SREK1IP1: variants seen among roughly 807,000 people sequenced by gnomAD.
SREK1IP1 encodes SREK1 interacting protein 1, also known as protein SREK1IP1.
SREK1IP1 carries 12 observed loss-of-function variants against 22.8 expected under a neutral mutation model. The observed-to-expected ratio is 0.53, with a 90% CI of 0.34 to 0.85. SREK1IP1 has a LOEUF of 0.85. SREK1IP1 is among the 40% of genes least tolerant of loss of function. SREK1IP1 has a pLI of 0.02. For missense variants in SREK1IP1, 147 were observed against 171.8 expected (o/e 0.86, Z 0.81); for synonymous variants, 53 against 52.7 (o/e 1.01, Z -0.02).
intron 2 of SREK1IP1, among the ~76,000 whole-genome samples, chr5:64,744,901 G>A (rs896932258): frequency 2.0e-5 from 3 of 152,122 alleles, no homozygotes; most frequent in African/African-American, 7.2e-5. Flanking sequence ...TATCTTATGG[G>A]AACTCAAACA....
rs1244825556 is a variant in SREK1IP1, at chr5:64,721,709, T to C, written c.*2675A>G. ...CTGCCTGCATTTGGTGAAAATGACA[T>C]GCATTAGGTTGTAAGAATATGAACC... is the stretch of plus-strand genomic sequence containing the variant. On this transcript the variant is annotated 3_prime_UTR_variant, in exon 5 of 5. Coordinates refer to ENST00000513458, the MANE Select transcript of SREK1IP1 (RefSeq NM_173829.4). The C allele has an allele frequency of 3.3e-5, 5 of 152,150 alleles. No homozygotes were observed. The highest frequency in any genetic ancestry group is 2.6e-4 in the Admixed American group (4 of 15,276). 9.4% of individuals were successfully genotyped at this position (152,150 alleles called of 1,614,324 possible). A position where few individuals can be genotyped will look rare whatever the true frequency, so the allele number is the denominator to read the frequency against.
chr5:64,767,202 C>T (rs1743050102), intron 1 of SREK1IP1, among the ~76,000 whole-genome samples: 1 of 152,190 alleles, frequency 6.6e-6, no homozygotes, highest in Admixed American at 6.5e-5. Flanking sequence ...ACCCCTCCTA[C>T]AATTCAGATC....
At chr5:64,733,753 C>T (rs904496513) in intron 3 of SREK1IP1, among the ~76,000 whole-genome samples, 1 of 152,028 alleles carries the variant, frequency 6.6e-6, no homozygotes, top group Non-Finnish European at 1.5e-5. Flanking sequence ...TGGATAAATA[C>T]TTAATACTTA....
intron 2 of SREK1IP1, among the ~76,000 whole-genome samples, chr5:64,747,772 T>C (rs755578882): frequency 6.6e-6 from 1 of 151,728 alleles, no homozygotes; most frequent in Non-Finnish European, 1.5e-5. Context: ...ACTAAAAATA[T>C]AAAAAAGTAG....
At chr5:64,729,986 A>C (rs574640346) in intron 3 of SREK1IP1, among the ~76,000 whole-genome samples, 70 of 152,342 alleles carry the variant, frequency 4.6e-4, no homozygotes, top group South Asian at 1.7e-3. Context: ...ATAGTATTTA[A>C]AACTATGGGG....
At chr5:64,748,219 T>C (rs775295480) in intron 2 of SREK1IP1, among the ~76,000 whole-genome samples, 9 of 152,178 alleles carry the variant, frequency 5.9e-5, no homozygotes, top group Non-Finnish European at 1.2e-4. Flanking sequence ...ATGAAAACAT[T>C]ATGCTAAGGG....
At chr5:64,752,144 GT>G (rs1453000055) in intron 2 of SREK1IP1, among the ~76,000 whole-genome samples, 34 of 85,474 alleles carry the variant, frequency 4.0e-4, no homozygotes, top group Admixed American at 6.5e-4. Flanking sequence ...TTTTTTTTGT[GT>G]GTTTTTTTTT....
At chr5:64,740,302 T>C (rs1742532050) in intron 3 of SREK1IP1, among the ~76,000 whole-genome samples, 1 of 152,090 alleles carries the variant, frequency 6.6e-6, no homozygotes. Context: ...AGAACCCCTA[T>C]TTATATAATT....
At chr5:64,768,447 A>C (rs1208724710) in intron 1 of SREK1IP1, 58 bp downstream of exon 1, 25 of 1,610,430 alleles carry the variant, frequency 1.6e-5, no homozygotes, top group Admixed American at 5.0e-5. Flanking sequence ...ACCCTACCCT[A>C]CCCTCCCTTG....
chr5:64,760,406 G>GGC (rs1160463059), intron 1 of SREK1IP1, among the ~76,000 whole-genome samples: 8 of 152,266 alleles, frequency 5.3e-5, no homozygotes, highest in African/African-American at 1.9e-4. Flanking sequence ...CACAAAGGGA[G>GGC]GTGGGGGGAA....
chr5:64,744,007 C>T (rs1282176225), intron 2 of SREK1IP1, among the ~76,000 whole-genome samples: 1 of 152,040 alleles, frequency 6.6e-6, no homozygotes, highest in Non-Finnish European at 1.5e-5. Flanking sequence ...GATAAAAATA[C>T]CTGAAATTGA....
At chr5:64,738,110 G>C (rs948194626) in intron 3 of SREK1IP1, among the ~76,000 whole-genome samples, 1 of 152,094 alleles carries the variant, frequency 6.6e-6, no homozygotes, top group Non-Finnish European at 1.5e-5. Context: ...GCCAGACAAA[G>C]GTACCTTAAG....
At chr5:64,757,529 G>A (rs900498469) in intron 1 of SREK1IP1, among the ~76,000 whole-genome samples, 1 of 152,188 alleles carries the variant, frequency 6.6e-6, no homozygotes, top group East Asian at 1.9e-4. Context: ...AAAACACTAA[G>A]TAAATGCAGA....
At chr5:64,736,712 C>T (rs1742467855) in intron 3 of SREK1IP1, among the ~76,000 whole-genome samples, 2 of 152,046 alleles carry the variant, frequency 1.3e-5, no homozygotes, top group Non-Finnish European at 2.9e-5. Flanking sequence ...ATCCGCCTAC[C>T]TCGGCCTCCC....
intron 2 of SREK1IP1, among the ~76,000 whole-genome samples, chr5:64,752,494 CAGAA>C (rs1742766444): frequency 6.6e-6 from 1 of 152,124 alleles, no homozygotes; most frequent in South Asian, 2.1e-4. Flanking sequence ...AATTCTGCCA[CAGAA>C]AGAGAGACCC....
intron 2 of SREK1IP1, among the ~76,000 whole-genome samples, chr5:64,742,928 CAAAT>C (rs1742574149): frequency 1.3e-5 from 2 of 152,206 alleles, no homozygotes; most frequent in African/African-American, 2.4e-5. Context: ...GATTTCCTAA[CAAAT>C]GAATCATTCA....
Position 64,721,328 on chromosome 5 carries a change from T to C in SREK1IP1, c.*3056A>G, listed in dbSNP as rs1028123031. The C allele has an allele frequency of 3.9e-5, 6 of 152,210 alleles. No individual in the cohort carries two copies. Among genetic ancestry groups the C allele is most frequent in the African/African-American group, 1.4e-4 (6 of 41,440 alleles). 9.4% of individuals were successfully genotyped at this position (152,210 alleles called of 1,614,324 possible). A position where few individuals can be genotyped will look rare whatever the true frequency, so the allele number is the denominator to read the frequency against. On this transcript the variant is annotated 3_prime_UTR_variant, in exon 5 of 5. Transcript: ENST00000513458. ...TGCCACGTTAGGTACTCAATAAATA[T>C]TTGTTGAAGAAAGGATTCAATGGCA... is the stretch of plus-strand genomic sequence containing the variant.
intron 4 of SREK1IP1, among the ~76,000 whole-genome samples, chr5:64,726,575 CAAAAA>C (rs1267636357): frequency 1.8e-5 from 1 of 54,740 alleles, no homozygotes; most frequent in Admixed American, 2.1e-4. Context: ...GACTCTGTCT[CAAAAA>C]AAAAAAAAAA....
chr5:64,739,323 C>A (rs151008843), intron 3 of SREK1IP1, among the ~76,000 whole-genome samples: 27 of 152,212 alleles, frequency 1.8e-4, no homozygotes, highest in African/African-American at 6.3e-4. Context: ...GTCTAAAGAA[C>A]CTATGTTTTA....
Sources: gnomAD v4.1 joint callset for allele counts (sites outside exome capture counted in the v4.1 genomes callset) on GRCh38, gnomAD v4.1.1 for gene constraint, MANE v1.5 for transcripts, NCBI Gene and HGNC (gene_info 2026-07-23, HGNC 2026-07-21) for gene names.